The following ZNF714 variants were observed in gnomAD, a reference collection of about 807,000 sequenced individuals.
The protein encoded by ZNF714 is zinc finger protein 714.
ZNF714 carries 32 observed loss-of-function variants against 46.2 expected under a neutral mutation model. The observed-to-expected ratio is 0.69, with a 90% CI of 0.52 to 0.93. The LOEUF is 0.93. Among genes scored for constraint, ZNF714 ranks in the 40% least tolerant of loss-of-function variants. The pLI is 0.00. For synonymous variants in ZNF714, 199 were observed against 213.1 expected, an observed-to-expected ratio of 0.93 and a Z score of 0.58; for missense variants, 635 against 646.3, an observed-to-expected ratio of 0.98 and a Z score of 0.19.
At position 21,082,314 on chromosome 19, in the gene ZNF714, G is replaced by A. The variant is rs1312928063; in HGVS notation, c.-211G>A. The A allele has an allele frequency of 6.9e-7, 1 of 1,453,658 alleles. No individual in the cohort carries two copies. Among genetic ancestry groups the A allele is most frequent in the Non-Finnish European group, 9.3e-7 (1 of 1,075,216 alleles). 90.0% of individuals were successfully genotyped at this position (1,453,658 alleles called of 1,614,324 possible). On this transcript the variant is annotated 5_prime_UTR_variant, in exon 1 of 5. Coordinates refer to ENST00000456283, the MANE Select transcript of ZNF714 (RefSeq NM_182515.4). ...ACCTGCAGGTATTGAGAGATCCACA[G>A]CTAAGACGCCAGGTACCCCGGAAGC...
intron 4 of ZNF714, among the ~76,000 whole-genome samples, chr19:21,101,320 T>C (rs1969174789): frequency 6.6e-6 from 1 of 152,212 alleles, no homozygotes; most frequent in Non-Finnish European, 1.5e-5. Context: ...CCTCTGGGTT[T>C]GTAGTGAAGA....
intron 4 of ZNF714, among the ~76,000 whole-genome samples, chr19:21,107,941 T>C (rs1460594911): frequency 2.6e-5 from 4 of 152,208 alleles, no homozygotes; most frequent in Non-Finnish European, 5.9e-5. Flanking sequence ...TATTGTCGTT[T>C]TGAGACAGGA....
intron 2 of ZNF714, among the ~76,000 whole-genome samples, chr19:21,086,759 A>T (rs1164760551): frequency 6.6e-6 from 1 of 152,170 alleles, no homozygotes; most frequent in Non-Finnish European, 1.5e-5. Context: ...CCTATTCAAA[A>T]TAGATTTTCT....
At chr19:21,113,070 C>G (rs1382521602) in intron 4 of ZNF714, 1 of 152,196 alleles carries the variant, frequency 6.6e-6, no homozygotes, top group East Asian at 1.9e-4. Context: ...AGGTGATCTG[C>G]CTACCTCGGC....
chr19:21,105,320 C>G (rs1021135694), intron 4 of ZNF714, among the ~76,000 whole-genome samples: 3 of 151,680 alleles, frequency 2.0e-5, no homozygotes, highest in African/African-American at 7.3e-5. Context: ...CGGGCCTGGC[C>G]TTACTTTTTC....
Position 21,112,536 on chromosome 19 carries a change from A to ATT in ZNF714, c.143-4261_143-4260dup, listed in dbSNP as rs34412157. Reference sequence around the variant, plus strand: ...AAAAAAACAGCTCCTGGATTCATTGATTTTTTTTTTTGAATGGTTTTTTTG... The same window carrying ATT: ...AAAAAAACAGCTCCTGGATTCATTGATTTTTTTTTTTTTGAATGGTTTTTTTG... On this transcript the variant is annotated intron_variant, in intron 4 of 4. Transcript: ENST00000456283. 5.2e-3 allele frequency among the ~76,000 whole-genome samples: 744 copies of ATT among 143,810 alleles called. 7 individuals carry two copies. The highest frequency in any genetic ancestry group is 0.017 in the African/African-American group (693 of 39,810). 94.3% of individuals were successfully genotyped at this position (143,810 alleles called of 152,430 possible). A position where few individuals can be genotyped will look rare whatever the true frequency, so the allele number is the denominator to read the frequency against.
At chr19:21,087,871 T>G (rs1968818835) in intron 2 of ZNF714, among the ~76,000 whole-genome samples, 1 of 152,210 alleles carries the variant, frequency 6.6e-6, no homozygotes, top group Admixed American at 6.5e-5. Context: ...CATTTCACTT[T>G]CTCTGCATAC....
intron 3 of ZNF714, 55 bp downstream of exon 3, chr19:21,098,366 T>C: frequency 6.4e-7 from 1 of 1,565,352 alleles, no homozygotes; most frequent in Non-Finnish European, 8.6e-7. Flanking sequence ...TTTATGTCTC[T>C]TTTTTTGTAG....
At chr19:21,095,554 C>T (rs1213047742) in intron 2 of ZNF714, among the ~76,000 whole-genome samples, 2 of 151,962 alleles carry the variant, frequency 1.3e-5, no homozygotes, top group Admixed American at 6.6e-5. Flanking sequence ...GCTCCGTGTC[C>T]CGGGTTCACG....
intron 4 of ZNF714, chr19:21,113,124 C>T: frequency 6.5e-6 from 1 of 152,682 alleles, no homozygotes; most frequent in Non-Finnish European, 1.5e-5. Context: ...CCATGCCCAG[C>T]CAAAGCCTAC....
Position 21,117,346 on chromosome 19 carries a change from C to A in ZNF714, c.682C>A (p.Pro228Thr), listed in dbSNP as rs890995970. 20 of 1,612,216 alleles carry A rather than the reference C, an allele frequency of 1.2e-5. No homozygotes were observed. Among genetic ancestry groups the A allele is most frequent in the Non-Finnish European group, 1.7e-5 (20 of 1,178,674 alleles). ...TAAGATGATTCATACTGGAGAGAAA[C>A]CCTACAGATGTGAAGAATGTGGCAA... ...THKMIHTGEK[P>T]YRCEECGKAF... The change falls in exon 5 of 5, where the codon CCC (proline) becomes ACC (threonine). Residue 228 changes from proline to threonine, a missense_variant. Pro to Thr is a conservative substitution (Grantham distance 38). Coordinates refer to ENST00000456283, the MANE Select transcript of ZNF714 (RefSeq NM_182515.4).
At chr19:21,107,296 A>G (rs938018171) in intron 4 of ZNF714, among the ~76,000 whole-genome samples, 3 of 151,648 alleles carry the variant, frequency 2.0e-5, no homozygotes, top group African/African-American at 7.3e-5. Context: ...CTGGAGTACA[A>G]TGGCGCAATC....
At chr19:21,084,729 G>GTT (rs368218334) in intron 2 of ZNF714, among the ~76,000 whole-genome samples, 10,654 of 138,744 alleles carry the variant, frequency 0.077, 444 homozygotes, top group Non-Finnish European at 0.087. Flanking sequence ...TTTTGAGACA[G>GTT]TTTCACTCTT....
intron 4 of ZNF714, among the ~76,000 whole-genome samples, chr19:21,112,847 G>A (rs1260348023): frequency 2.3e-4 from 5 of 21,702 alleles, no homozygotes; most frequent in Non-Finnish European, 8.4e-4. Flanking sequence ...TTTTGAGACG[G>A]AGTCTCGCTC....
At chr19:21,114,601 T>C (rs1369753424) in intron 4 of ZNF714, among the ~76,000 whole-genome samples, 1 of 152,188 alleles carries the variant, frequency 6.6e-6, no homozygotes, top group Non-Finnish European at 1.5e-5. Context: ...CTTTATCCAG[T>C]TTGCCCTTCT....
At chr19:21,086,182 C>T (rs1599526098) in intron 2 of ZNF714, among the ~76,000 whole-genome samples, 1 of 151,990 alleles carries the variant, frequency 6.6e-6, no homozygotes, top group Non-Finnish European at 1.5e-5. Context: ...TTATTTAGAC[C>T]ACTGAAGACA....
intron 1 of ZNF714, 47 bp from the exon 2 acceptor site, chr19:21,083,931 C>T: frequency 9.4e-7 from 1 of 1,062,124 alleles, no homozygotes; most frequent in Admixed American, 3.4e-5. Context: ...GTTATGTCAG[C>T]TAAAGTGCCT....
chr19:21,111,880 T>C (rs1317302812), intron 4 of ZNF714, among the ~76,000 whole-genome samples: 2 of 152,198 alleles, frequency 1.3e-5, no homozygotes, highest in Non-Finnish European at 2.9e-5. Context: ...TGATGAATTA[T>C]GTTTATCGAG....
In ZNF714 at chr19:21,116,938, G is replaced by A; in HGVS notation, c.274G>A (p.Val92Met). ...ACAGTTAAGAAAAGGCTCCGCAAAT[G>A]TGGTTGAGTGTAAGGTGTACAAAAA... ...NLQLRKGSAN[V>M]VECKVYKKGY... is the part of the protein sequence containing the mutation. Residue 92 changes from valine (V) to methionine (M), a missense_variant, in exon 5 of 5, where the codon GTG becomes ATG. Transcript: ENST00000456283. The A allele has an allele frequency of 6.2e-7, 1 of 1,613,332 alleles. No individual in the cohort carries two copies. The highest frequency in any genetic ancestry group is 8.5e-7 in the Non-Finnish European group (1 of 1,179,868).
Sources: allele counts gnomAD v4.1 joint callset (sites outside exome capture counted in the v4.1 genomes callset), GRCh38; gene constraint gnomAD v4.1.1; transcripts MANE v1.5; gene names NCBI Gene and HGNC (gene_info 2026-07-23, HGNC 2026-07-21).